GPATCH2L: variants seen among roughly 807,000 people sequenced by gnomAD.
GPATCH2L encodes G patch domain-containing protein 2-like.
Under a neutral mutation model 57.4 loss-of-function variants are expected in GPATCH2L, and 31 were observed. The observed-to-expected ratio is 0.54, with a 90% CI of 0.41 to 0.73. GPATCH2L has a LOEUF of 0.73. Among genes scored for constraint, GPATCH2L ranks in the 30% least tolerant of loss-of-function variants. GPATCH2L has a pLI of 0.00. For missense variants in GPATCH2L, 481 were observed against 599.9 expected (o/e 0.80, Z 2.07); for synonymous variants, 199 against 210.7 (o/e 0.94, Z 0.48).
downstream of GPATCH2L, among the ~76,000 whole-genome samples, chr14:76,219,134 T>A (rs1214238619): frequency 6.6e-6 from 1 of 152,022 alleles, no homozygotes; most frequent in Admixed American, 6.6e-5. Context: ...GAGAAAACAT[T>A]TCATCATGGC....
chr14:76,169,916 G>A (rs933840031), intron 3 of GPATCH2L, among the ~76,000 whole-genome samples: 11 of 152,138 alleles, frequency 7.2e-5, no homozygotes, highest in Non-Finnish European at 1.3e-4. Context: ...GGCCAGCTTG[G>A]CATCATGAGG....
At chr14:76,186,902 G>T (rs2039786299) in intron 8 of GPATCH2L, among the ~76,000 whole-genome samples, 1 of 152,166 alleles carries the variant, frequency 6.6e-6, no homozygotes, top group South Asian at 2.1e-4. Flanking sequence ...GAATTTTCAG[G>T]TGCCAGTGAG....
chr14:76,230,653 C>T (rs916358708), intron 2 of GPATCH2L, among the ~76,000 whole-genome samples: 1 of 152,134 alleles, frequency 6.6e-6, no homozygotes, highest in Non-Finnish European at 1.5e-5. Flanking sequence ...ATAAGAGCAC[C>T]AATCCTCATC....
chr14:76,160,791 C>G (rs922165616), intron 2 of GPATCH2L, among the ~76,000 whole-genome samples: 1 of 152,128 alleles, frequency 6.6e-6, no homozygotes, highest in Non-Finnish European at 1.5e-5. Flanking sequence ...AGAAGACGTT[C>G]CATCTACCTG....
chr14:76,152,189 C>T (rs1027957533), intron 1 of GPATCH2L, among the ~76,000 whole-genome samples, 198 bp downstream of exon 1: 1 of 152,172 alleles, frequency 6.6e-6, no homozygotes, highest in Non-Finnish European at 1.5e-5. Context: ...GTCTCCGGGG[C>T]CACAGCCCCC....
chr14:76,222,320 T>C (rs2040518621), intron 1 of GPATCH2L, among the ~76,000 whole-genome samples: 1 of 152,128 alleles, frequency 6.6e-6, no homozygotes, highest in Admixed American at 6.5e-5. Flanking sequence ...CAAGAGTAAA[T>C]AGAAGGCTGG....
chr14:76,198,805 G>T (rs2040231750), intron 9 of GPATCH2L, among the ~76,000 whole-genome samples: 1 of 152,056 alleles, frequency 6.6e-6, no homozygotes, highest in Non-Finnish European at 1.5e-5. Context: ...TATCTGTTTT[G>T]TTCACTACTG....
Position 76,231,952 on chromosome 14 carries a change from G to A in GPATCH2L, c.*117+1999G>A, listed in dbSNP as rs561495688. 3.9e-3 allele frequency among the ~76,000 whole-genome samples: 3 copies of A among 774 alleles called. No homozygotes were observed. The East Asian group carries it at 0.12, about 32-fold the overall frequency. The allele number at this position is 774 out of a possible 152,430, so 0.5% of individuals were successfully genotyped here. A position where few individuals can be genotyped will look rare whatever the true frequency, so the allele number is the denominator to read the frequency against. On this transcript the variant is annotated intron_variant and NMD_transcript_variant, in intron 2 of 3. Transcript: ENST00000556372. ...TTTGTCACCAGGATAGAGTGCAGTG[G>A]GGCAAACACATCTCACTGCAGCCTC...
chr14:76,162,720 G>T (rs1262991442), intron 2 of GPATCH2L, among the ~76,000 whole-genome samples: 2 of 152,172 alleles, frequency 1.3e-5, no homozygotes, highest in Non-Finnish European at 2.9e-5. Context: ...GGAACCATAA[G>T]GGCAAGTGAG....
chr14:76,225,081 C>T (rs74954157), intron 1 of GPATCH2L, among the ~76,000 whole-genome samples: 1,948 of 152,120 alleles, frequency 0.013, 27 homozygotes, highest in South Asian at 0.019. Flanking sequence ...TAATGCAATT[C>T]CAGTCAAAAT....
At chr14:76,221,671 C>T (rs753225135) in intron 1 of GPATCH2L, among the ~76,000 whole-genome samples, 1 of 152,050 alleles carries the variant, frequency 6.6e-6, no homozygotes, top group Non-Finnish European at 1.5e-5. Context: ...TCTATCCAGC[C>T]ATGAAAAGAA....
At chr14:76,162,281 C>T (rs76137188) in intron 2 of GPATCH2L, among the ~76,000 whole-genome samples, 2,947 of 152,290 alleles carry the variant, frequency 0.019, 62 homozygotes, top group South Asian at 0.077. Context: ...GAGTCTCAGT[C>T]CCTTTTCACA....
rs777830923 is a variant in GPATCH2L, at chr14:76,207,266, TGATCTGGCC to T, written c.*5416_*5424del. 12 of 152,100 alleles carry T rather than the reference TGATCTGGCC, an allele frequency of 7.9e-5. No homozygotes were observed. Among genetic ancestry groups the T allele is most frequent in the Non-Finnish European group, 1.5e-4 (10 of 68,032 alleles). The allele number at this position is 152,100 out of a possible 1,614,324, so 9.4% of individuals were successfully genotyped here. A position where few individuals can be genotyped will look rare whatever the true frequency, so the allele number is the denominator to read the frequency against. ...AGGAGGTTGAGGGTGCAGTGAGCCA[TGATCTGGCC>T]ACTGCACTCCAGCCTGGGTGACAGA... On this transcript the variant is annotated 3_prime_UTR_variant, in exon 10 of 10. Coordinates refer to ENST00000261530, the MANE Select transcript of GPATCH2L (RefSeq NM_017926.4).
chr14:76,186,777 A>T (rs2039781436), intron 8 of GPATCH2L, among the ~76,000 whole-genome samples: 1 of 152,030 alleles, frequency 6.6e-6, no homozygotes, highest in Non-Finnish European at 1.5e-5. Context: ...CTGTTTTTCC[A>T]TTGTAAGATA....
intron 2 of GPATCH2L, among the ~76,000 whole-genome samples, chr14:76,233,299 C>T (rs2040583095): frequency 6.6e-6 from 1 of 152,202 alleles, no homozygotes; most frequent in Admixed American, 6.5e-5. Flanking sequence ...GGTATCAGAG[C>T]ATCTGTTTTA....
chr14:76,171,395 C>G (rs769530462), intron 3 of GPATCH2L, among the ~76,000 whole-genome samples: 40 of 151,912 alleles, frequency 2.6e-4, no homozygotes, highest in Non-Finnish European at 5.4e-4. Context: ...GCCAACATGG[C>G]AAAACCCCGT....
At chr14:76,225,414 A>G (rs931148293) in intron 1 of GPATCH2L, among the ~76,000 whole-genome samples, 21 of 152,162 alleles carry the variant, frequency 1.4e-4, no homozygotes, top group African/African-American at 3.9e-4. Context: ...CACAGGTAAT[A>G]TACATCTTGA....
chr14:76,232,521 C>G (rs1309981013), intron 2 of GPATCH2L, among the ~76,000 whole-genome samples: 1 of 152,160 alleles, frequency 6.6e-6, no homozygotes, highest in Non-Finnish European at 1.5e-5. Context: ...ATGCACAAGA[C>G]CACCCTCACT....
At chr14:76,178,221 A>G in intron 7 of GPATCH2L, 179 bp downstream of exon 7, 3 of 1,508,176 alleles carry the variant, frequency 2.0e-6, no homozygotes, top group Non-Finnish European at 2.7e-6. Context: ...TGAACTTTGC[A>G]GTAAGAAAGC....
Sources: allele counts gnomAD v4.1 joint callset (sites outside exome capture counted in the v4.1 genomes callset), GRCh38; gene constraint gnomAD v4.1.1; transcripts MANE v1.5; gene names NCBI Gene and HGNC (gene_info 2026-07-23, HGNC 2026-07-21).